The following TLL2 variants were observed in gnomAD, a reference collection of about 807,000 sequenced individuals.
The protein encoded by TLL2 is tolloid-like protein 2.
A neutral mutation model predicts 123.0 loss-of-function variants in TLL2; 106 were observed. That is an observed-to-expected ratio of 0.86 (90% CI 0.74 to 1.01). The LOEUF is 1.01. Ranked by LOEUF, TLL2 falls within the 50% of genes least tolerant of loss-of-function variation. The probability of loss-of-function intolerance (pLI) is 0.00; values close to 1 mark genes in which losing one functional copy is unlikely to be tolerated. For synonymous variants in TLL2, 494 were observed against 516.8 expected, an observed-to-expected ratio of 0.96 and a Z score of 0.60; for missense variants, 1,332 against 1,336.7, an observed-to-expected ratio of 1.00 and a Z score of 0.06.
chr10:96,370,259 G>T lies in TLL2; in HGVS notation c.2719C>A (p.Gln907Lys). The change falls in exon 20 of 21, where the codon CAG (glutamine) becomes AAG (lysine). Residue 907 changes from glutamine (Q) to lysine (K), a missense_variant. Transcript: ENST00000357947. ...VQTKELYSHA[Q>K]FGDNNYPSEA... ...CTCGGGTAGTTGTTGTCCCCAAACT[G>T]GGCGTGGGAATAGAGCTCTTTGGTC... 6.2e-7 allele frequency: 1 copy of T among 1,611,814 alleles called. No homozygotes were observed. The highest frequency in any genetic ancestry group is 8.5e-7 in the Non-Finnish European group (1 of 1,178,660).
intron 2 of TLL2, among the ~76,000 whole-genome samples, chr10:96,451,506 A>G (rs1158305799): frequency 6.6e-6 from 1 of 152,210 alleles, no homozygotes; most frequent in Non-Finnish European, 1.5e-5. Flanking sequence ...ATGAATTCAT[A>G]TTCATTAATA....
intron 7 of TLL2, among the ~76,000 whole-genome samples, chr10:96,415,128 T>G (rs1471433738): frequency 3.3e-5 from 5 of 152,196 alleles, no homozygotes. Context: ...CTTGGATCTC[T>G]AGGCTGTTTG....
chr10:96,401,870 C>T lies in TLL2; in HGVS notation c.1267+3362G>A, dbSNP rs1416645576. Among the ~76,000 whole-genome samples the T allele has an allele frequency of 2.6e-5, 4 of 152,198 alleles. No homozygotes were observed. The East Asian group carries it at 5.8e-4, about 22-fold the overall frequency. On this transcript the variant is annotated intron_variant, in intron 10 of 20. Coordinates refer to ENST00000357947, the MANE Select transcript of TLL2 (RefSeq NM_012465.4). ...GAGTTGCCAGATTTAGCAAACAAAA[C>T]TCAAGGAAGCCCAGTACATTTGAAT... is the stretch of plus-strand genomic sequence containing the variant.
intron 18 of TLL2, 50 bp from the exon 19 acceptor site, chr10:96,373,859 G>C: frequency 6.4e-7 from 1 of 1,558,064 alleles, no homozygotes; most frequent in Middle Eastern, 1.8e-4. Flanking sequence ...GTTCAGCTGG[G>C]GTGGGGGCCT....
chr10:96,420,965 G>C lies in TLL2; in HGVS notation c.914C>G (p.Thr305Ser), dbSNP rs776641334. 4.3e-6 allele frequency: 7 copies of C among 1,613,896 alleles called. No individual in the cohort carries two copies. The African/African-American group carries it at 9.3e-5, about 22-fold the overall frequency. ...AAGCATAGATTCCGACCTTGAGAAG[G>C]TGTTCCGGGCGTAGTGCATGATGCT... ...FDSIMHYARN[T>S]FSRGVFLDTI... is the part of the protein sequence containing the mutation. The change falls in exon 7 of 21, where the codon ACC becomes AGC. Residue 305 changes from threonine (T) to serine (S), a missense_variant. By Grantham distance (58) the Thr-to-Ser change is moderately conservative (BLOSUM62 1). Coordinates refer to ENST00000357947, the MANE Select transcript of TLL2 (RefSeq NM_012465.4).
At chr10:96,476,248 T>TTTTTTTTTTTGTTGTTGTTG (rs1285354320) in intron 2 of TLL2, among the ~76,000 whole-genome samples, 1 of 69,240 alleles carries the variant, frequency 1.4e-5, no homozygotes, top group African/African-American at 6.2e-5. Flanking sequence ...ATATTTTATT[T>TTTTTTTTTTTGTTGTTGTTG]TTGTTGTTGT....
chr10:96,392,918 T>G (rs1846302162), intron 13 of TLL2, among the ~76,000 whole-genome samples: 1 of 152,124 alleles, frequency 6.6e-6, no homozygotes, highest in South Asian at 2.1e-4. Flanking sequence ...ACCAGGTCCG[T>G]GTAAGGCAAA....
At chr10:96,408,748 C>T (rs1379397215) in intron 9 of TLL2, among the ~76,000 whole-genome samples, 2 of 152,172 alleles carry the variant, frequency 1.3e-5, no homozygotes, top group Non-Finnish European at 2.9e-5. Context: ...TATAAATGCA[C>T]GTTAAAATGT....
intron 19 of TLL2, among the ~76,000 whole-genome samples, chr10:96,370,938 G>T (rs1005395419): frequency 6.6e-6 from 1 of 151,936 alleles, no homozygotes; most frequent in Non-Finnish European, 1.5e-5. Flanking sequence ...TTGTTTCTGG[G>T]TTTTTTCATT....
intron 7 of TLL2, among the ~76,000 whole-genome samples, chr10:96,420,079 A>G (rs1486211824): frequency 2.0e-5 from 3 of 151,968 alleles, no homozygotes; most frequent in Non-Finnish European, 4.4e-5. Context: ...TTTTTATCTC[A>G]TGTGTATATT....
chr10:96,402,594 C>T (rs145718986), intron 10 of TLL2, among the ~76,000 whole-genome samples: 1 of 152,194 alleles, frequency 6.6e-6, no homozygotes, highest in Non-Finnish European at 1.5e-5. Flanking sequence ...AACAGAAATC[C>T]AGGCAGGCAT....
At chr10:96,431,887 G>C (rs997210531) in intron 4 of TLL2, among the ~76,000 whole-genome samples, 10 of 152,138 alleles carry the variant, frequency 6.6e-5, no homozygotes, top group African/African-American at 2.4e-4. Context: ...CCTGGGGAAA[G>C]GGCCTCCAAG....
intron 4 of TLL2, among the ~76,000 whole-genome samples, chr10:96,429,147 C>T (rs72811105): frequency 0.048 from 7,243 of 151,852 alleles, 221 homozygotes; most frequent in Non-Finnish European, 0.07. Flanking sequence ...AAAGGATGTT[C>T]CAACAATTAA....
At position 96,422,562 on chromosome 10, in the gene TLL2, T is replaced by A; in HGVS notation, c.804A>T (p.Glu268Asp). ...AGGCCTCCTTACCTGGCTGGATGTT[T>A]TCCCTGATGATGGTGACATGTTGGT... ...DRDQHVTIIR[E>D]NIQPGQEYNF... The change falls in exon 6 of 21, where the codon GAA becomes GAT. Residue 268 changes from glutamate to aspartate, a missense_variant. Coordinates refer to ENST00000357947, the MANE Select transcript of TLL2 (RefSeq NM_012465.4). The A allele has an allele frequency of 6.2e-7, 1 of 1,614,148 alleles. No individual in the cohort carries two copies. Among genetic ancestry groups the A allele is most frequent in the Non-Finnish European group, 8.5e-7 (1 of 1,180,020 alleles).
At chr10:96,476,801 A>C (rs1228431545) in intron 2 of TLL2, among the ~76,000 whole-genome samples, 4 of 151,928 alleles carry the variant, frequency 2.6e-5, no homozygotes, top group African/African-American at 9.7e-5. Context: ...AGTGTTAAGT[A>C]AAAAATTCAG....
At chr10:96,474,540 TG>T (rs550720837) in intron 2 of TLL2, among the ~76,000 whole-genome samples, 21 of 152,194 alleles carry the variant, frequency 1.4e-4, no homozygotes, top group Middle Eastern at 3.4e-3. Flanking sequence ...GGAAGGAAAC[TG>T]GGGGCCTGCA....
chr10:96,489,719 A>G (rs1378073030), intron 1 of TLL2, among the ~76,000 whole-genome samples: 1 of 152,238 alleles, frequency 6.6e-6, no homozygotes, highest in Non-Finnish European at 1.5e-5. Flanking sequence ...TAAGCATAAC[A>G]TAAATAATAC....
At position 96,370,141 on chromosome 10, in the gene TLL2, C is replaced by T. The variant is rs1188663629; in HGVS notation, c.2837G>A (p.Cys946Tyr). The change falls in exon 20 of 21, where the codon TGC becomes TAC. Residue 946 changes from cysteine (C) to tyrosine (Y), a missense_variant. Physicochemically the swap from Cys to Tyr is radical, Grantham distance 194. Transcript: ENST00000357947. ...RTFEVEEEADCGYDYMEAYDG... is the reference protein window; with the variant it reads ...RTFEVEEEADYGYDYMEAYDG... ...GTAGGCTTCCATGTAGTCGTAGCCG[C>T]AGTCGGCCTCCTCCTCAACCTCAAA... is the stretch of plus-strand genomic sequence containing the variant. The T allele has an allele frequency of 1.9e-6, 3 of 1,614,096 alleles. No individual in the cohort carries two copies. The highest frequency in any genetic ancestry group is 2.5e-6 in the Non-Finnish European group (3 of 1,179,978).
chr10:96,428,349 A>T (rs766071305), intron 5 of TLL2, among the ~76,000 whole-genome samples: 7 of 152,196 alleles, frequency 4.6e-5, no homozygotes, highest in Non-Finnish European at 8.8e-5. Context: ...CCAAGAGGTT[A>T]AGAACCACTG....
Sources: gnomAD v4.1 joint callset for allele counts (sites outside exome capture counted in the v4.1 genomes callset) on GRCh38, gnomAD v4.1.1 for gene constraint, MANE v1.5 for transcripts, NCBI Gene and HGNC (gene_info 2026-07-23, HGNC 2026-07-21) for gene names.